Variants in RAPGEF6 observed in about 807,000 individuals in gnomAD.
RAPGEF6 encodes the protein PDZ domain containing guanine nucleotide exchange factor (GEF) 2.
Under a neutral mutation model 171.4 loss-of-function variants are expected in RAPGEF6, and 56 were observed. The observed-to-expected ratio is 0.33, with a 90% confidence interval of 0.26 to 0.41. The LOEUF is 0.41. Among genes scored for constraint, RAPGEF6 ranks in the 10% least tolerant of loss-of-function variants. RAPGEF6 has a pLI of 1.00. For missense variants in RAPGEF6, 1,674 were observed against 1,921.4 expected, an observed-to-expected ratio of 0.87 and a Z score of 2.41; for synonymous variants, 692 against 650.1, an observed-to-expected ratio of 1.06 and a Z score of -0.98.
At chr5:131,536,487 TTCAGCATACTGTCA>T (rs1480182600) in intron 6 of RAPGEF6, among the ~76,000 whole-genome samples, 1 of 152,178 alleles carries the variant, frequency 6.6e-6, no homozygotes, top group East Asian at 1.9e-4. Context: ...AACAGTGTGC[TTCAGCATACTGTCA>T]TATATATCCA....
intron 21 of RAPGEF6, chr5:131,447,440 T>C (rs1394853454): frequency 6.6e-6 from 1 of 152,158 alleles, no homozygotes; most frequent in Admixed American, 6.5e-5. Flanking sequence ...TGGGTGGAAA[T>C]AACCACAATT....
rs1157835402 is a variant in RAPGEF6 at position 131,635,120 on chromosome 5, G to C, written c.-90C>G. The C allele has an allele frequency of 1.5e-6, 2 of 1,315,388 alleles. No individual in the cohort carries two copies. The highest frequency in any genetic ancestry group is 2.0e-6 in the Non-Finnish European group (2 of 981,248). 81.5% of individuals were successfully genotyped at this position (1,315,388 alleles called of 1,614,324 possible). On this transcript the variant is annotated 5_prime_UTR_variant, in exon 1 of 28. Transcript: ENST00000509018. ...GTAGCGGGTGCGGTACCTTTCCCCC[G>C]CCCCAAGGAGGGAACTTCGCGCCGT...
At chr5:131,555,026 C>G (rs1208758454) in intron 5 of RAPGEF6, among the ~76,000 whole-genome samples, 1 of 152,026 alleles carries the variant, frequency 6.6e-6, no homozygotes, top group Admixed American at 6.5e-5. Context: ...ACAATGAATA[C>G]AAATAGAAAA....
intron 7 of RAPGEF6, among the ~76,000 whole-genome samples, chr5:131,512,664 G>A (rs1757814560): frequency 6.6e-6 from 1 of 152,096 alleles, no homozygotes; most frequent in South Asian, 2.1e-4. Flanking sequence ...AGACAAGCTA[G>A]TTCTTAAGGG....
rs778209347 is a variant in RAPGEF6 at position 131,510,376 on chromosome 5, C to T, written c.743G>A (p.Gly248Glu). The T allele has an allele frequency of 1.2e-6, 2 of 1,613,934 alleles. No homozygotes were observed. Among genetic ancestry groups the T allele is most frequent in the African/African-American group, 1.3e-5 (1 of 74,894 alleles). Reference sequence around the variant, plus strand: ...AAGACATTCTCGAACAAGATCTCGCCCCTGCAATGGATCTGTTCGATCAAT... The same window carrying T: ...AAGACATTCTCGAACAAGATCTCGCTCCTGCAATGGATCTGTTCGATCAAT... ...EEIDRTDPLQ[G>E]RDLVRECLEK... The change falls in exon 8 of 28, where the codon GGG (glycine) becomes GAG (glutamate). Residue 248 changes from glycine (G) to glutamate (E), a missense_variant. Coordinates refer to ENST00000509018, the MANE Select transcript of RAPGEF6 (RefSeq NM_016340.6).
chr5:131,485,026 A>C (rs1383148903), intron 15 of RAPGEF6, among the ~76,000 whole-genome samples: 1 of 152,136 alleles, frequency 6.6e-6, no homozygotes, highest in Non-Finnish European at 1.5e-5. Context: ...TCCTGGGTTC[A>C]AGTGATCTTC....
intron 1 of RAPGEF6, among the ~76,000 whole-genome samples, chr5:131,626,805 T>A (rs1765958584): frequency 6.6e-6 from 1 of 152,198 alleles, no homozygotes; most frequent in Admixed American, 6.5e-5. Flanking sequence ...TATCTCAGTT[T>A]AAGCGGGACA....
intron 24 of RAPGEF6, among the ~76,000 whole-genome samples, chr5:131,435,302 C>T (rs942524470): frequency 2.6e-5 from 4 of 152,162 alleles, no homozygotes; most frequent in Admixed American, 6.5e-5. Context: ...GGGATCACTG[C>T]TATTTGTCAA....
Position 131,430,722 on chromosome 5 carries a change from CTTGT to C in RAPGEF6, c.4465+133_4465+136del, listed in dbSNP as rs754985193. On this transcript the variant is annotated intron_variant, in intron 26 of 27. Transcript: ENST00000509018. ...GAAACCATGAATTTTTGGGAAATAA[CTTGT>C]TTGTTTGTGAAGGAAAGAAAGGTTG... 69 of 1,234,066 alleles carry C rather than the reference CTTGT, an allele frequency of 5.6e-5. 1 individual carries two copies. Among genetic ancestry groups the C allele is most frequent in the Middle Eastern group, 1.9e-4 (1 of 5,286 alleles). 76.4% of individuals were successfully genotyped at this position (1,234,066 alleles called of 1,614,324 possible). A position where few individuals can be genotyped will look rare whatever the true frequency, so the allele number is the denominator to read the frequency against.
chr5:131,547,338 AT>A (rs1284883623), intron 6 of RAPGEF6, among the ~76,000 whole-genome samples: 1 of 152,158 alleles, frequency 6.6e-6, no homozygotes, highest in Non-Finnish European at 1.5e-5. Context: ...CTCTGTACTA[AT>A]TGTTTTAATA....
chr5:131,520,855 A>C (rs569922857), intron 7 of RAPGEF6, among the ~76,000 whole-genome samples: 1 of 152,248 alleles, frequency 6.6e-6, no homozygotes, highest in Non-Finnish European at 1.5e-5. Flanking sequence ...CTTCTCCCCA[A>C]TATTACAATG....
chr5:131,573,110 C>G (rs764570405), intron 4 of RAPGEF6, among the ~76,000 whole-genome samples: 2 of 152,114 alleles, frequency 1.3e-5, no homozygotes, highest in Non-Finnish European at 2.9e-5. Flanking sequence ...TCCTTTTCCA[C>G]TGACCACTCT....
chr5:131,524,608 T>TGGAG (rs1758745734), intron 6 of RAPGEF6, among the ~76,000 whole-genome samples: 1 of 40,998 alleles, frequency 2.4e-5, no homozygotes, highest in African/African-American at 9.0e-5. Flanking sequence ...GAGAGAGAGA[T>TGGAG]TGAGAGAGAG....
At chr5:131,457,616 T>C (rs113428016) in intron 19 of RAPGEF6, among the ~76,000 whole-genome samples, 3,268 of 152,342 alleles carry the variant, frequency 0.021, 56 homozygotes, top group Admixed American at 0.035. Flanking sequence ...CCTCCGTATC[T>C]GAGTGTTCCA....
At chr5:131,493,328 T>A (rs181216535) in intron 13 of RAPGEF6, among the ~76,000 whole-genome samples, 107 of 152,314 alleles carry the variant, frequency 7.0e-4, no homozygotes, top group South Asian at 4.1e-3. Flanking sequence ...CCTCCCAAAG[T>A]GCTGGGATTA....
At chr5:131,620,603 T>C (rs141570491) in intron 1 of RAPGEF6, among the ~76,000 whole-genome samples, 1,886 of 152,218 alleles carry the variant, frequency 0.012, 42 homozygotes, top group African/African-American at 0.042. Context: ...CTTTTCTTTT[T>C]TTTTTGAGAC....
intron 6 of RAPGEF6, among the ~76,000 whole-genome samples, chr5:131,547,316 CAA>C (rs569665477): frequency 1.1e-3 from 175 of 152,214 alleles, no homozygotes; most frequent in African/African-American, 4.1e-3. Flanking sequence ...CAAATGCAAA[CAA>C]GAGGAAATGC....
chr5:131,505,127 T>TA (rs1399957370), intron 10 of RAPGEF6, among the ~76,000 whole-genome samples: 3 of 152,048 alleles, frequency 2.0e-5, no homozygotes, highest in Non-Finnish European at 4.4e-5. Flanking sequence ...AGCTGGCTAA[T>TA]ATCAAATAGA....
intron 5 of RAPGEF6, among the ~76,000 whole-genome samples, chr5:131,555,031 A>G (rs1332667278): frequency 6.6e-6 from 1 of 152,244 alleles, no homozygotes; most frequent in African/African-American, 2.4e-5. Flanking sequence ...GAATACAAAT[A>G]GAAAAGTCTT....
Sources: gnomAD v4.1 joint callset for allele counts (sites outside exome capture counted in the v4.1 genomes callset) on GRCh38, gnomAD v4.1.1 for gene constraint, MANE v1.5 for transcripts, NCBI Gene and HGNC (gene_info 2026-07-23, HGNC 2026-07-21) for gene names.